The following CSMD1 variants were observed in gnomAD, a reference collection of about 807,000 sequenced individuals.
CSMD1 encodes CUB and sushi domain-containing protein 1.
Under a neutral mutation model 417.5 loss-of-function variants are expected in CSMD1, and 213 were observed. That is an observed-to-expected ratio of 0.51 (90% confidence interval 0.46 to 0.57). The LOEUF (loss-of-function observed/expected upper bound fraction) is 0.57. CSMD1 is among the 20% of genes least tolerant of loss of function. CSMD1 has a pLI of 0.00. For missense variants in CSMD1, 6,923 were observed against 4,529.7 expected, an observed-to-expected ratio of 1.53 and a Z score of -15.17; for synonymous variants, 2,862 against 1,736.8, an observed-to-expected ratio of 1.65 and a Z score of -16.11.
intron 1 of CSMD1, among the ~76,000 whole-genome samples, chr8:4,805,510 C>G (rs1031182596): frequency 6.6e-6 from 1 of 152,136 alleles, no homozygotes; most frequent in African/African-American, 2.4e-5. Context: ...TCTGCATTGT[C>G]ACTCTGCCAC....
At chr8:3,175,475 CCCTT>C (rs201071094) in intron 37 of CSMD1, among the ~76,000 whole-genome samples, 17 of 132,572 alleles carry the variant, frequency 1.3e-4, no homozygotes, top group African/African-American at 4.1e-4. Flanking sequence ...TCCTTCTTTT[CCCTT>C]CCTTCCTGCC....
chr8:3,239,875 A>T (rs1235008244), intron 26 of CSMD1, among the ~76,000 whole-genome samples: 4 of 152,228 alleles, frequency 2.6e-5, no homozygotes, highest in African/African-American at 9.6e-5. Flanking sequence ...ATCCAGAATA[A>T]TGTGGGAGGC....
At chr8:4,438,803 G>C (rs1192015751) in intron 2 of CSMD1, among the ~76,000 whole-genome samples, 1 of 152,146 alleles carries the variant, frequency 6.6e-6, no homozygotes, top group Non-Finnish European at 1.5e-5. Context: ...CAAAAGATTT[G>C]CTTATTATTC....
chr8:4,820,145 C>G (rs1022086267), intron 1 of CSMD1, among the ~76,000 whole-genome samples: 5 of 152,146 alleles, frequency 3.3e-5, no homozygotes, highest in Admixed American at 2.6e-4. Flanking sequence ...TGCACCACCT[C>G]TCTGTGAAGG....
intron 3 of CSMD1, among the ~76,000 whole-genome samples, chr8:4,182,434 T>C (rs1399026655): frequency 6.6e-6 from 1 of 152,146 alleles, no homozygotes; most frequent in Non-Finnish European, 1.5e-5. Context: ...CCCACTTATA[T>C]AATGAAATAA....
At chr8:4,744,498 G>GT (rs1228054905) in intron 1 of CSMD1, among the ~76,000 whole-genome samples, 1 of 152,072 alleles carries the variant, frequency 6.6e-6, no homozygotes, top group Non-Finnish European at 1.5e-5. Flanking sequence ...TTTAGCATAG[G>GT]TTTTTCTTTG....
intron 3 of CSMD1, among the ~76,000 whole-genome samples, chr8:4,064,995 C>G (rs1799171466): frequency 1.3e-5 from 2 of 151,534 alleles, no homozygotes; most frequent in South Asian, 4.2e-4. Context: ...CAGTTTTCAT[C>G]AAATCCACTT....
At chr8:3,907,585 G>A (rs1211831090) in intron 5 of CSMD1, among the ~76,000 whole-genome samples, 1 of 152,142 alleles carries the variant, frequency 6.6e-6, no homozygotes, top group Non-Finnish European at 1.5e-5. Flanking sequence ...GGTTGTGCCA[G>A]GTACAGGCCA....
At chr8:3,770,441 T>C (rs1022466964) in intron 5 of CSMD1, among the ~76,000 whole-genome samples, 1 of 151,974 alleles carries the variant, frequency 6.6e-6, no homozygotes, top group Non-Finnish European at 1.5e-5. Context: ...AGGCAGAAGA[T>C]TCTCTTGAAC....
chr8:3,724,858 G>A (rs779023780), intron 6 of CSMD1, among the ~76,000 whole-genome samples: 1 of 152,212 alleles, frequency 6.6e-6, no homozygotes, highest in Non-Finnish European at 1.5e-5. Context: ...GATATCAGAA[G>A]CTTTACTTTA....
At chr8:2,942,907 C>CA (rs1801988649) in intron 68 of CSMD1, among the ~76,000 whole-genome samples, 1 of 152,130 alleles carries the variant, frequency 6.6e-6, no homozygotes, top group Non-Finnish European at 1.5e-5. Flanking sequence ...GGTGTTTTCA[C>CA]AAAACTAACT....
At position 3,386,659 on chromosome 8, in the gene CSMD1, T is replaced by A. The variant is rs918023567; in HGVS notation, c.2782+835A>T. Among the ~76,000 whole-genome samples the A allele has an allele frequency of 1.3e-5, 2 of 152,336 alleles. 1 individual carries two copies. Among genetic ancestry groups the A allele is most frequent in the Middle Eastern group, 6.8e-3 (2 of 294 alleles). On this transcript the variant is annotated intron_variant, in intron 18 of 69. Coordinates refer to ENST00000635120, the MANE Select transcript of CSMD1 (RefSeq NM_033225.6). ...TTGTCTGTGAAAAGTATTGAAGATG[T>A]AAATGAAATATTTTTGCTTTTTCCA...
At chr8:4,985,348 G>A (rs1264147605) in intron 1 of CSMD1, among the ~76,000 whole-genome samples, 1 of 137,858 alleles carries the variant, frequency 7.3e-6, no homozygotes, top group Non-Finnish European at 1.5e-5. Context: ...TTCATATCCT[G>A]CACATCTGCC....
intron 51 of CSMD1, among the ~76,000 whole-genome samples, chr8:3,021,559 C>T (rs185601185): frequency 3.9e-5 from 6 of 152,334 alleles, no homozygotes; most frequent in Non-Finnish European, 2.9e-5. Context: ...GCTCACAGTC[C>T]GCAGTGCTTC....
intron 3 of CSMD1, among the ~76,000 whole-genome samples, chr8:4,304,557 T>C (rs56012128): frequency 0.064 from 9,681 of 152,226 alleles, 395 homozygotes; most frequent in Non-Finnish European, 0.092. Context: ...TGATAATCAA[T>C]TGGGATGTGT....
intron 4 of CSMD1, among the ~76,000 whole-genome samples, chr8:4,031,556 G>A (rs576652178): frequency 6.6e-6 from 1 of 152,116 alleles, no homozygotes; most frequent in African/African-American, 2.4e-5. Context: ...TTCAACATGA[G>A]GTTTGGGTGA....
rs186234176 is a variant in CSMD1, at chr8:3,694,378, C to G, written c.1009+14036G>C. On this transcript the variant is annotated intron_variant, in intron 7 of 69. Coordinates refer to ENST00000635120, the MANE Select transcript of CSMD1 (RefSeq NM_033225.6). Reference sequence around the variant, plus strand: ...GCTGAGGATTTTCCCAAACTGACACCCAGAAGACTGATCAACAGCTCTGCC... The same window carrying G: ...GCTGAGGATTTTCCCAAACTGACACGCAGAAGACTGATCAACAGCTCTGCC... Among the ~76,000 whole-genome samples, 12 of 152,168 alleles carry G rather than the reference C, an allele frequency of 7.9e-5. No individual in the cohort carries two copies. The East Asian group carries it at 2.3e-3, about 30-fold the overall frequency.
intron 10 of CSMD1, among the ~76,000 whole-genome samples, chr8:3,524,981 G>T: frequency 6.6e-6 from 1 of 152,242 alleles, no homozygotes. Flanking sequence ...AGGCACCCCA[G>T]GAAAAATGAT....
At chr8:4,199,299 G>C (rs1386323959) in intron 3 of CSMD1, among the ~76,000 whole-genome samples, 2 of 152,190 alleles carry the variant, frequency 1.3e-5, no homozygotes, top group South Asian at 4.1e-4. Context: ...TGCAGGCAGT[G>C]TATGGGTGCT....
Sources: allele counts gnomAD v4.1 joint callset (sites outside exome capture counted in the v4.1 genomes callset), GRCh38; gene constraint gnomAD v4.1.1; transcripts MANE v1.5; gene names NCBI Gene and HGNC (gene_info 2026-07-23, HGNC 2026-07-21).